Variants in GLIS3 observed in about 807,000 individuals in gnomAD.
GLIS3 encodes the protein zinc finger protein GLIS3.
GLIS3 carries 53 observed loss-of-function variants against 78.6 expected under a neutral mutation model. That is an observed-to-expected ratio of 0.67 (90% confidence interval 0.54 to 0.85). The LOEUF is 0.85. Among genes scored for constraint, GLIS3 ranks in the 40% least tolerant of loss-of-function variants. The probability of loss-of-function intolerance (pLI) is 0.00; values close to 1 mark genes in which losing one functional copy is unlikely to be tolerated. For missense variants in GLIS3, 1,703 were observed against 1,231.1 expected (o/e 1.38, Z -5.74); for synonymous variants, 684 against 509.9 (o/e 1.34, Z -4.60).
intron 2 of GLIS3, among the ~76,000 whole-genome samples, chr9:4,322,949 C>T (rs1027905939): frequency 5.3e-5 from 8 of 152,104 alleles, no homozygotes; most frequent in African/African-American, 1.9e-4. Flanking sequence ...GCTTTTGTTG[C>T]CATTGCTTTT....
At chr9:4,232,073 AT>A (rs1333604364) in intron 2 of GLIS3, among the ~76,000 whole-genome samples, 1 of 152,212 alleles carries the variant, frequency 6.6e-6, no homozygotes, top group Non-Finnish European at 1.5e-5. Context: ...TCAAAAAAAT[AT>A]TTTTAAAAAT....
intron 4 of GLIS3, among the ~76,000 whole-genome samples, chr9:4,037,617 C>T (rs1052972818): frequency 6.6e-6 from 1 of 151,422 alleles, no homozygotes; most frequent in Non-Finnish European, 1.5e-5. Flanking sequence ...CTTTCACAGG[C>T]TCAGGCATTA....
At chr9:3,845,797 G>C (rs1174073704) in intron 9 of GLIS3, among the ~76,000 whole-genome samples, 2 of 152,186 alleles carry the variant, frequency 1.3e-5, no homozygotes, top group African/African-American at 4.8e-5. Context: ...CCGTTAGATA[G>C]AGAGCTCTCC....
At chr9:3,972,850 T>C (rs1442864678) in intron 4 of GLIS3, among the ~76,000 whole-genome samples, 5 of 152,202 alleles carry the variant, frequency 3.3e-5, no homozygotes, top group African/African-American at 1.2e-4. Flanking sequence ...GATCTTTGCA[T>C]TGTAATACTT....
intron 2 of GLIS3, among the ~76,000 whole-genome samples, chr9:4,239,355 T>C (rs1823080368): frequency 1.3e-5 from 2 of 151,334 alleles, no homozygotes; most frequent in Admixed American, 6.6e-5. Flanking sequence ...TCTTAACCCA[T>C]AGACGTTCAC....
chr9:4,090,894 G>A lies in GLIS3; in HGVS notation c.1710+26874C>T, dbSNP rs531840637. Among the ~76,000 whole-genome samples, 9 of 152,266 alleles carry A rather than the reference G, an allele frequency of 5.9e-5. No homozygotes were observed. The South Asian group carries it at 6.2e-4, about 11-fold the overall frequency. On this transcript the variant is annotated intron_variant, in intron 4 of 10. Transcript: ENST00000381971. ...GAGAAGTTTCATGCATAGCACAGTC[G>A]TTACAACTGCAGGTTCTAGAATCTG...
At chr9:3,959,162 A>T (rs1264968672) in intron 4 of GLIS3, among the ~76,000 whole-genome samples, 1 of 152,198 alleles carries the variant, frequency 6.6e-6, no homozygotes, top group Non-Finnish European at 1.5e-5. Flanking sequence ...GGCATTCTGC[A>T]AGGATTAATG....
intron 2 of GLIS3, among the ~76,000 whole-genome samples, chr9:4,130,421 A>C (rs1339914223): frequency 6.6e-6 from 1 of 152,206 alleles, no homozygotes; most frequent in African/African-American, 2.4e-5. Context: ...AAGGCCTAAG[A>C]GGGAAGAATG....
At chr9:4,004,510 G>A (rs1320373722) in intron 4 of GLIS3, among the ~76,000 whole-genome samples, 1 of 152,196 alleles carries the variant, frequency 6.6e-6, no homozygotes, top group African/African-American at 2.4e-5. Context: ...GCCAGATACT[G>A]TTGTGTGAAA....
chr9:4,057,439 C>T (rs933039649), intron 4 of GLIS3, among the ~76,000 whole-genome samples: 1 of 151,776 alleles, frequency 6.6e-6, no homozygotes, highest in Non-Finnish European at 1.5e-5. Context: ...TAGGAAAGCA[C>T]AAAAACAGGT....
chr9:4,462,032 T>C, the GLIS3 span, among the ~76,000 whole-genome samples: 14 of 152,198 alleles, frequency 9.2e-5, no homozygotes, highest in African/African-American at 1.7e-4. Context: ...GGAATGGGAA[T>C]AGCAAGAAGA....
intron 2 of GLIS3, among the ~76,000 whole-genome samples, chr9:4,280,733 T>C (rs1257196193): frequency 1.3e-5 from 2 of 151,914 alleles, no homozygotes; most frequent in Non-Finnish European, 2.9e-5. Context: ...TTGCCTTTTA[T>C]CCTCTTCCTT....
At chr9:4,452,657 A>G in the GLIS3 span, among the ~76,000 whole-genome samples, 1 of 152,224 alleles carries the variant, frequency 6.6e-6, no homozygotes, top group South Asian at 2.1e-4. Context: ...CCACTGCTCA[A>G]GGAAATAAGA....
the GLIS3 span, among the ~76,000 whole-genome samples, chr9:4,433,196 T>C: frequency 1.3e-5 from 2 of 152,126 alleles, no homozygotes; most frequent in African/African-American, 4.8e-5. Context: ...CTTTGGGAAG[T>C]TGAGGCAGGC....
intron 2 of GLIS3, among the ~76,000 whole-genome samples, chr9:4,212,841 T>G (rs937692687): frequency 1.3e-5 from 2 of 152,110 alleles, no homozygotes; most frequent in African/African-American, 4.8e-5. Flanking sequence ...GACAAAGAGC[T>G]TCATAGGCAC....
the GLIS3 span, among the ~76,000 whole-genome samples, chr9:4,481,213 G>C: frequency 6.6e-6 from 1 of 152,118 alleles, no homozygotes. Flanking sequence ...GCCAGATGTG[G>C]TGGCTCATGC....
intron 4 of GLIS3, among the ~76,000 whole-genome samples, chr9:4,068,963 C>A (rs867989763): frequency 1.3e-5 from 2 of 151,860 alleles, no homozygotes; most frequent in Non-Finnish European, 2.9e-5. Flanking sequence ...AAAAATCAAC[C>A]GTAATGTAAC....
the GLIS3 span, among the ~76,000 whole-genome samples, chr9:4,428,770 G>C: frequency 0.014 from 2,097 of 152,210 alleles, 47 homozygotes; most frequent in African/African-American, 0.049. Flanking sequence ...GACATTGAGA[G>C]ACCATCTCCT....
intron 9 of GLIS3, among the ~76,000 whole-genome samples, chr9:3,844,406 T>C (rs1194007834): frequency 2.0e-5 from 3 of 152,176 alleles, no homozygotes; most frequent in South Asian, 2.1e-4. Flanking sequence ...AGAATAGTGT[T>C]ATCAGAAAAA....
Sources: gnomAD v4.1 joint callset for allele counts (sites outside exome capture counted in the v4.1 genomes callset) on GRCh38, gnomAD v4.1.1 for gene constraint, MANE v1.5 for transcripts, NCBI Gene and HGNC (gene_info 2026-07-23, HGNC 2026-07-21) for gene names.